Variants in AKAP6 observed in about 807,000 individuals in gnomAD.
The protein encoded by AKAP6 is A-kinase anchoring protein 6.
AKAP6 carries 58 observed loss-of-function variants against 188.5 expected under a neutral mutation model. The ratio of observed to expected loss-of-function variants is 0.31; its 90% confidence interval spans 0.25 to 0.38. The LOEUF (loss-of-function observed/expected upper bound fraction) is 0.38. AKAP6 is among the 10% of genes least tolerant of loss of function. The pLI, the probability that AKAP6 is intolerant of heterozygous loss-of-function variation, is 1.00. For synonymous variants in AKAP6, 989 were observed against 998.6 expected (o/e 0.99, Z 0.18); for missense variants, 2,710 against 2,740.0 (o/e 0.99, Z 0.24).
At chr14:32,793,698 T>G (rs1405513884) in intron 12 of AKAP6, among the ~76,000 whole-genome samples, 3 of 151,464 alleles carry the variant, frequency 2.0e-5, no homozygotes, top group African/African-American at 7.3e-5. Flanking sequence ...TACAGAACTT[T>G]CCACCCCAAA....
At chr14:32,575,794 A>G (rs1406458742) in intron 4 of AKAP6, among the ~76,000 whole-genome samples, 1 of 152,146 alleles carries the variant, frequency 6.6e-6, no homozygotes, top group African/African-American at 2.4e-5. Context: ...ATGTACCACT[A>G]TGTGGGATGA....
At chr14:32,385,377 T>G (rs914483900) in intron 1 of AKAP6, among the ~76,000 whole-genome samples, 1 of 149,624 alleles carries the variant, frequency 6.7e-6, no homozygotes, top group African/African-American at 2.5e-5. Context: ...TATTTGCAAC[T>G]AAATGTCTCT....
At chr14:32,383,260 T>A (rs1888428323) in intron 1 of AKAP6, among the ~76,000 whole-genome samples, 1 of 152,178 alleles carries the variant, frequency 6.6e-6, no homozygotes, top group Non-Finnish European at 1.5e-5. Flanking sequence ...TTTATTTAAC[T>A]GTTTGTCAAA....
chr14:32,691,069 A>T (rs545927585), intron 8 of AKAP6, among the ~76,000 whole-genome samples: 18 of 152,310 alleles, frequency 1.2e-4, no homozygotes, highest in Non-Finnish European at 2.6e-4. Context: ...ACATAAACCC[A>T]AGCATAATTA....
intron 13 of AKAP6, among the ~76,000 whole-genome samples, chr14:32,825,147 A>C (rs1402577687): frequency 6.6e-6 from 1 of 152,230 alleles, no homozygotes; most frequent in Non-Finnish European, 1.5e-5. Flanking sequence ...ATTATACTCC[A>C]TGATCAAAAT....
intron 8 of AKAP6, among the ~76,000 whole-genome samples, chr14:32,680,276 C>T (rs1165237511): frequency 1.3e-5 from 2 of 152,112 alleles, no homozygotes; most frequent in Admixed American, 6.5e-5. Context: ...GGACAAAAAC[C>T]ATATACTCCT....
chr14:32,413,703 G>A (rs1019116489), intron 1 of AKAP6, among the ~76,000 whole-genome samples: 2 of 152,110 alleles, frequency 1.3e-5, no homozygotes, highest in African/African-American at 4.8e-5. Flanking sequence ...ATTGATTGAT[G>A]GATGAATCCA....
intron 7 of AKAP6, among the ~76,000 whole-genome samples, chr14:32,620,273 C>G (rs1352305863): frequency 6.6e-6 from 1 of 151,894 alleles, no homozygotes; most frequent in Non-Finnish European, 1.5e-5. Flanking sequence ...TCAACTTTTC[C>G]CCATTCGGTA....
chr14:32,346,609 C>T (rs950357961), intron 1 of AKAP6, among the ~76,000 whole-genome samples: 3 of 152,168 alleles, frequency 2.0e-5, no homozygotes, highest in Admixed American at 6.5e-5. Context: ...CCCGGGTTCA[C>T]GCCATTCTCC....
intron 7 of AKAP6, among the ~76,000 whole-genome samples, chr14:32,675,255 A>G (rs1889379097): frequency 1.3e-5 from 2 of 152,168 alleles, no homozygotes; most frequent in Non-Finnish European, 2.9e-5. Flanking sequence ...TGGGTCTTTT[A>G]GTGACCTAGA....
intron 2 of AKAP6, among the ~76,000 whole-genome samples, chr14:32,453,936 C>T (rs1042640450): frequency 6.6e-6 from 1 of 152,170 alleles, no homozygotes; most frequent in Non-Finnish European, 1.5e-5. Flanking sequence ...ATCTTTTTCT[C>T]ATGAATGGCA....
intron 2 of AKAP6, among the ~76,000 whole-genome samples, chr14:32,522,545 T>C (rs1391128844): frequency 6.6e-6 from 1 of 152,156 alleles, no homozygotes; most frequent in Non-Finnish European, 1.5e-5. Context: ...AACAGACACT[T>C]TTCAAAAGAA....
chr14:32,720,331 G>A (rs2030465043), intron 9 of AKAP6, among the ~76,000 whole-genome samples: 1 of 152,156 alleles, frequency 6.6e-6, no homozygotes, highest in Admixed American at 6.5e-5. Flanking sequence ...CTAGACTAAA[G>A]GCAAGTGAAT....
intron 1 of AKAP6, among the ~76,000 whole-genome samples, chr14:32,351,716 G>T (rs1887277550): frequency 6.6e-6 from 1 of 152,124 alleles, no homozygotes; most frequent in Non-Finnish European, 1.5e-5. Context: ...ATGAATGCTA[G>T]CTAGCCGAAG....
At chr14:32,810,352 G>T (rs569990275) in intron 12 of AKAP6, among the ~76,000 whole-genome samples, 1 of 151,840 alleles carries the variant, frequency 6.6e-6, no homozygotes, top group African/African-American at 2.4e-5. Context: ...TTTGATTTGG[G>T]TTACAGTTTG....
chr14:32,520,541 AACT>A (rs2139056903), intron 2 of AKAP6, among the ~76,000 whole-genome samples: 1 of 152,336 alleles, frequency 6.6e-6, no homozygotes, highest in East Asian at 1.9e-4. Context: ...CAGAAATACA[AACT>A]ACCATCAGAG....
intron 1 of AKAP6, among the ~76,000 whole-genome samples, chr14:32,431,014 A>G (rs1372996628): frequency 2.6e-5 from 4 of 151,974 alleles, no homozygotes; most frequent in Admixed American, 2.0e-4. Context: ...TTGAGGCAGG[A>G]GAATGGCGTG....
At chr14:32,626,939 A>G (rs1185972444) in intron 7 of AKAP6, among the ~76,000 whole-genome samples, 1 of 152,126 alleles carries the variant, frequency 6.6e-6, no homozygotes, top group African/African-American at 2.4e-5. Context: ...GATGAACAAT[A>G]TTTCTTTCTA....
rs575664862 is a variant in AKAP6, at chr14:32,794,558, TCAAA to T, written c.3588+20686_3588+20689del. ...CTGGGCAAAAGAATGAGACTGCATC[TCAAA>T]CAAACAAACAAACAAACAAATAGTT... On this transcript the variant is annotated intron_variant, in intron 12 of 13. Transcript: ENST00000280979. 1.4e-3 allele frequency among the ~76,000 whole-genome samples: 216 copies of T among 152,164 alleles called. 1 individual carries two copies. The highest frequency in any genetic ancestry group is 5.0e-3 in the African/African-American group (209 of 41,520).
Sources: allele counts gnomAD v4.1 joint callset (sites outside exome capture counted in the v4.1 genomes callset), GRCh38; gene constraint gnomAD v4.1.1; transcripts MANE v1.5; gene names NCBI Gene and HGNC (gene_info 2026-07-23, HGNC 2026-07-21).